Variants in VCAN observed in about 807,000 individuals in gnomAD.
The protein encoded by VCAN is versican core protein.
A neutral mutation model predicts 245.5 loss-of-function variants in VCAN; 44 were observed. The ratio of observed to expected loss-of-function variants is 0.18; its 90% CI spans 0.14 to 0.23. VCAN has a LOEUF of 0.23. Among genes scored for constraint, VCAN ranks in the 10% least tolerant of loss-of-function variants. The pLI, the probability that VCAN is intolerant of heterozygous loss-of-function variation, is 1.00. For synonymous variants in VCAN, 1,413 were observed against 1,437.0 expected (o/e 0.98, Z 0.38); for missense variants, 3,793 against 4,057.9 (o/e 0.93, Z 1.77).
intron 6 of VCAN, chr5:83,512,860 G>A: frequency 6.5e-6 from 1 of 154,974 alleles, no homozygotes; most frequent in East Asian, 1.9e-4. Flanking sequence ...AAGCTGACAT[G>A]GATACTCAAA....
chr5:83,526,064 C>T (rs750690195), intron 7 of VCAN, among the ~76,000 whole-genome samples: 6 of 151,656 alleles, frequency 4.0e-5, no homozygotes, highest in South Asian at 2.1e-4. Flanking sequence ...CTCAGCCTCC[C>T]GAGTAGCTGG....
At position 83,541,995 on chromosome 5, in the gene VCAN, A is replaced by T; in HGVS notation, c.8992A>T (p.Thr2998Ser). 6.2e-7 allele frequency: 1 copy of T among 1,612,250 alleles called. No individual in the cohort carries two copies. The highest frequency in any genetic ancestry group is 1.1e-5 in the South Asian group (1 of 90,950). ...AGVVPWLSPQ[T>S]SERPTLSSSP... ...TGTGGTGCCTTGGCTAAGTCCACAGACTTCTGAGAGGCCCACGCTTTCTTC... is the reference window on the plus strand; with the variant it reads ...TGTGGTGCCTTGGCTAAGTCCACAGTCTTCTGAGAGGCCCACGCTTTCTTC... The change falls in exon 8 of 15, where the codon ACT becomes TCT. Residue 2998 changes from threonine (T) to serine (S), a missense_variant. This residue lies in a region of VCAN where 3,182 missense variants were observed against 3,250.3 expected (regional missense o/e 0.98). Coordinates refer to ENST00000265077, the MANE Select transcript of VCAN (RefSeq NM_004385.5).
chr5:83,478,094 C>G (rs144779020), intron 1 of VCAN, among the ~76,000 whole-genome samples: 2 of 152,062 alleles, frequency 1.3e-5, no homozygotes, highest in East Asian at 3.9e-4. Flanking sequence ...GGGCACCCAC[C>G]ACCATGCTTG....
chr5:83,574,570 G>A (rs1026586884), intron 13 of VCAN, among the ~76,000 whole-genome samples: 1 of 152,176 alleles, frequency 6.6e-6, no homozygotes, highest in African/African-American at 2.4e-5. Flanking sequence ...GACTTTAGAT[G>A]TTAGGGATTT....
Position 83,550,657 on chromosome 5 carries a change from C to T in VCAN, c.9493+2573C>T, listed in dbSNP as rs142959077. Reference sequence around the variant, plus strand: ...ATCCCAGCACTTTGGGAGGTCAAGGCGGGCGGATCACCTGAGGTCAGAAGT... The same window carrying T: ...ATCCCAGCACTTTGGGAGGTCAAGGTGGGCGGATCACCTGAGGTCAGAAGT... On this transcript the variant is annotated intron_variant, in intron 10 of 14. Coordinates refer to ENST00000265077, the MANE Select transcript of VCAN (RefSeq NM_004385.5). 1.6e-4 allele frequency among the ~76,000 whole-genome samples: 24 copies of T among 152,098 alleles called. No homozygotes were observed. The East Asian group carries it at 3.1e-3, about 20-fold the overall frequency.
chr5:83,566,281 C>T (rs1339231352), intron 12 of VCAN, among the ~76,000 whole-genome samples: 1 of 152,024 alleles, frequency 6.6e-6, no homozygotes, highest in African/African-American at 2.4e-5. Context: ...GCTTTTTTAA[C>T]CTTTGCAAAA....
chr5:83,574,926 C>T (rs966177396), intron 13 of VCAN, among the ~76,000 whole-genome samples: 6 of 152,102 alleles, frequency 3.9e-5, no homozygotes, highest in Non-Finnish European at 7.4e-5. Context: ...CTAAAGCACG[C>T]TGTACAGACT....
intron 5 of VCAN, among the ~76,000 whole-genome samples, chr5:83,499,157 T>C (rs930505599): frequency 6.6e-6 from 1 of 152,110 alleles, no homozygotes; most frequent in Non-Finnish European, 1.5e-5. Context: ...TTTTGGCTAT[T>C]GCAGCTCACA....
chr5:83,556,340 T>G (rs768654689), intron 12 of VCAN, among the ~76,000 whole-genome samples: 60 of 152,188 alleles, frequency 3.9e-4, no homozygotes, highest in Admixed American at 2.5e-3. Context: ...GACCGGTACC[T>G]CCTCGGCTTT....
chr5:83,572,573 CTGT>C lies in VCAN; in HGVS notation c.9880+15_9880+17del. On this transcript the variant is annotated intron_variant, in intron 13 of 14. Coordinates refer to ENST00000265077, the MANE Select transcript of VCAN (RefSeq NM_004385.5). ...AAGAAAGGAACAGGTAATGATCACC[CTGT>C]TAATAATGTGTACTTAATCTTCATT... 6.2e-7 allele frequency: 1 copy of C among 1,613,512 alleles called. No individual in the cohort carries two copies. Among genetic ancestry groups the C allele is most frequent in the Non-Finnish European group, 8.5e-7 (1 of 1,179,648 alleles).
chr5:83,548,116 C>T (rs1462980965), intron 10 of VCAN, 32 bp downstream of exon 10: 12 of 1,557,672 alleles, frequency 7.7e-6, no homozygotes, highest in Non-Finnish European at 1.1e-5. Context: ...GTATGATGAA[C>T]ATTATTGATT....
intron 12 of VCAN, among the ~76,000 whole-genome samples, chr5:83,565,085 A>G (rs1748023300): frequency 6.6e-6 from 1 of 152,160 alleles, no homozygotes; most frequent in Non-Finnish European, 1.5e-5. Context: ...CCAGTTATAC[A>G]TGAGATCCTG....
chr5:83,513,530 C>T (rs1745741018), intron 6 of VCAN, among the ~76,000 whole-genome samples: 1 of 152,140 alleles, frequency 6.6e-6, no homozygotes, highest in Non-Finnish European at 1.5e-5. Context: ...AGCTAAGAAG[C>T]CTCTGCTCTG....
At chr5:83,511,573 T>TA (rs1745659882) in intron 5 of VCAN, among the ~76,000 whole-genome samples, 1 of 150,982 alleles carries the variant, frequency 6.6e-6, no homozygotes. Context: ...TTTTCTTATT[T>TA]TTTTTTTTTT....
chr5:83,490,867 T>C (rs1333226875), intron 3 of VCAN, among the ~76,000 whole-genome samples: 1 of 152,204 alleles, frequency 6.6e-6, no homozygotes. Context: ...TACACACATA[T>C]ATACACATAT....
In VCAN at chr5:83,547,091, G is replaced by A. The variant is rs115794135; in HGVS notation, c.9380-880G>A. Among the ~76,000 whole-genome samples, 1,147 of 152,276 alleles carry A rather than the reference G, an allele frequency of 7.5e-3. 3 individuals carry two copies. Among genetic ancestry groups the A allele is most frequent in the Non-Finnish European group, 0.012 (784 of 68,024 alleles). The stretch of plus-strand genomic sequence containing the variant: ...AACTACAGAAGGCATTTGAATGACA[G>A]CCTCGATCCAGGTATGCCTACTTAG... On this transcript the variant is annotated intron_variant, in intron 9 of 14. Coordinates refer to ENST00000265077, the MANE Select transcript of VCAN (RefSeq NM_004385.5).
At chr5:83,476,425 G>A (rs574220313) in intron 1 of VCAN, among the ~76,000 whole-genome samples, 47 of 152,286 alleles carry the variant, frequency 3.1e-4, no homozygotes, top group African/African-American at 9.1e-4. Flanking sequence ...CACCACCCAC[G>A]TAGAGAAACC....
intron 5 of VCAN, among the ~76,000 whole-genome samples, chr5:83,508,745 GTTAAATCT>G (rs1035961071): frequency 1.3e-5 from 2 of 152,066 alleles, no homozygotes; most frequent in Non-Finnish European, 2.9e-5. Flanking sequence ...ATTGATTCTG[GTTAAATCT>G]TCCTTTTTTT....
Position 83,553,351 on chromosome 5 carries a change from T to C in VCAN, c.9494-13T>C, listed in dbSNP as rs774138871. ...TATGTGCGTTTAATAAGCTCCTGCC[T>C]GTTTCTTCTCAGATACCGAGACATG... On this transcript the variant is annotated splice_polypyrimidine_tract_variant and intron_variant, in intron 10 of 14. Coordinates refer to ENST00000265077, the MANE Select transcript of VCAN (RefSeq NM_004385.5). The C allele has an allele frequency of 1.9e-6, 3 of 1,613,924 alleles. No individual in the cohort carries two copies. The highest frequency in any genetic ancestry group is 2.2e-5 in the East Asian group (1 of 44,844).
Sources: gnomAD v4.1 joint callset for allele counts (sites outside exome capture counted in the v4.1 genomes callset) on GRCh38, gnomAD v4.1.1 for gene constraint, gnomAD v4.1.1 regional missense constraint, MANE v1.5 for transcripts, NCBI Gene and HGNC (gene_info 2026-07-23, HGNC 2026-07-21) for gene names.